CAP1: variants seen among roughly 807,000 people sequenced by gnomAD.
CAP1 encodes the protein adenylyl cyclase-associated protein 1.
In CAP1, 11 loss-of-function variants were observed where a neutral mutation model predicts 58.2. The ratio of observed to expected loss-of-function variants is 0.19; its 90% CI spans 0.12 to 0.31. CAP1 has a LOEUF of 0.31. Among genes scored for constraint, CAP1 ranks in the 10% least tolerant of loss-of-function variants. The pLI is 1.00. For synonymous variants in CAP1, 183 were observed against 213.8 expected (o/e 0.86, Z 1.26); for missense variants, 423 against 587.5 (o/e 0.72, Z 2.89).
rs748172242 is a variant in CAP1, at chr1:40,064,186, G to A, written c.295-41G>A. On this transcript the variant is annotated intron_variant, in intron 4 of 12. Coordinates refer to ENST00000372805, the MANE Select transcript of CAP1 (RefSeq NM_006367.4). Reference sequence around the variant, plus strand: ...ATCAGAAGGCATAGACACCTTTGTGGAAAGATGTTAACCTGAATCTTTTCT... The same window carrying A: ...ATCAGAAGGCATAGACACCTTTGTGAAAAGATGTTAACCTGAATCTTTTCT... 29 of 1,605,094 alleles carry A rather than the reference G, an allele frequency of 1.8e-5. No homozygotes were observed. The Middle Eastern group carries it at 5.0e-4, about 27-fold the overall frequency.
intron 1 of CAP1, among the ~76,000 whole-genome samples, chr1:40,056,804 A>C (rs935416611): frequency 6.6e-6 from 1 of 152,158 alleles, no homozygotes; most frequent in Non-Finnish European, 1.5e-5. Flanking sequence ...TGTGTCTTTC[A>C]CACAACTGAA....
At chr1:40,068,223 T>A (rs3131666) in intron 8 of CAP1, among the ~76,000 whole-genome samples, 105,680 of 152,146 alleles carry the variant, frequency 0.69, 36,971 homozygotes, top group Non-Finnish European at 0.74. Flanking sequence ...TAAATCCAAC[T>A]GTAAGAGAAA....
chr1:40,052,466 G>C (rs1646419713), intron 1 of CAP1, among the ~76,000 whole-genome samples: 1 of 152,250 alleles, frequency 6.6e-6, no homozygotes, highest in Non-Finnish European at 1.5e-5. Flanking sequence ...TATAGTTCTT[G>C]GTTATTGACA....
At chr1:40,044,000 A>G (rs1319099326) in intron 1 of CAP1, among the ~76,000 whole-genome samples, 1 of 152,236 alleles carries the variant, frequency 6.6e-6, no homozygotes, top group East Asian at 1.9e-4. Context: ...ACTTTGTAGA[A>G]TACAGCCTGA....
At chr1:40,057,588 G>A (rs1415285598) in intron 1 of CAP1, 1 of 152,076 alleles carries the variant, frequency 6.6e-6, no homozygotes, top group Non-Finnish European at 1.5e-5. Context: ...ACCAGAGCCT[G>A]TACACAGAGA....
At chr1:40,063,102 T>C (rs1646926969) in intron 4 of CAP1, among the ~76,000 whole-genome samples, 1 of 152,034 alleles carries the variant, frequency 6.6e-6, no homozygotes. Flanking sequence ...GGTGTAATGA[T>C]CCTCCCACCT....
rs1358349190 is a variant in CAP1, at chr1:40,067,708, A to C, written c.799A>C (p.Ile267Leu). Residue 267 changes from isoleucine to leucine, a missense_variant, in exon 8 of 13, where the codon ATT becomes CTT. Physicochemically the swap from Ile to Leu is conservative, Grantham distance 5. Transcript: ENST00000372805. ...CGCGCAGATTAATCAGGGGGAGAGC[A>C]TTACACATGGTGAGTGAGCACTTGG... ...LFAQINQGES[I>L]THALKHVSDD... is the part of the protein sequence containing the mutation. 2 of 1,599,042 alleles carry C rather than the reference A, an allele frequency of 1.3e-6. No individual in the cohort carries two copies. The highest frequency in any genetic ancestry group is 3.5e-5 in the Admixed American group (2 of 57,492).
intron 9 of CAP1, 133 bp from the exon 10 acceptor site, chr1:40,070,026 G>T: frequency 6.9e-7 from 1 of 1,447,470 alleles, no homozygotes; most frequent in Non-Finnish European, 9.4e-7. Flanking sequence ...AGGAACAGGA[G>T]GTTAAATGGA....
Position 40,071,610 on chromosome 1 carries a change from T to G in CAP1, c.*77T>G, listed in dbSNP as rs942425722. ...GTATCAAGACGGTTCTTTTCTAGAT[T>G]TCCTCTACCTTTTTGCTCTTAAAAC... On this transcript the variant is annotated 3_prime_UTR_variant, in exon 13 of 13. Transcript: ENST00000372805. The G allele has an allele frequency of 1.2e-5, 11 of 941,146 alleles. No homozygotes were observed. Among genetic ancestry groups the G allele is most frequent in the Non-Finnish European group, 1.7e-5 (10 of 594,690 alleles). The allele number at this position is 941,146 out of a possible 1,614,324, so 58.3% of individuals were successfully genotyped here.
At chr1:40,052,841 A>G (rs987294308) in intron 1 of CAP1, among the ~76,000 whole-genome samples, 1 of 151,732 alleles carries the variant, frequency 6.6e-6, no homozygotes, top group African/African-American at 2.4e-5. Flanking sequence ...CTGTAATCCC[A>G]GCACTTTGGG....
At chr1:40,044,346 G>A (rs1645983110) in intron 1 of CAP1, among the ~76,000 whole-genome samples, 1 of 152,102 alleles carries the variant, frequency 6.6e-6, no homozygotes, top group African/African-American at 2.4e-5. Flanking sequence ...CCTCTGGTTT[G>A]AAATTTAATG....
intron 1 of CAP1, among the ~76,000 whole-genome samples, chr1:40,054,495 A>G (rs1646527294): frequency 6.6e-6 from 1 of 152,108 alleles, no homozygotes; most frequent in Non-Finnish European, 1.5e-5. Flanking sequence ...TCCTATGTTT[A>G]TAGTAGTGGA....
At position 40,055,663 on chromosome 1, in the gene CAP1, T is replaced by C. The variant is rs114130677; in HGVS notation, c.-10-3674T>C. The stretch of plus-strand genomic sequence containing the variant: ...CTGGGACCACAGCTGTACACCACCA[T>C]GCTTGGAAAAATTTTAAATTATTTT... On this transcript the variant is annotated intron_variant, in intron 1 of 12. Coordinates refer to ENST00000372805, the MANE Select transcript of CAP1 (RefSeq NM_006367.4). 2.3e-3 allele frequency among the ~76,000 whole-genome samples: 356 copies of C among 152,202 alleles called. 1 individual carries two copies. The highest frequency in any genetic ancestry group is 8.3e-3 in the African/African-American group (343 of 41,524).
At chr1:40,056,978 A>G (rs916970029) in intron 1 of CAP1, among the ~76,000 whole-genome samples, 1 of 152,044 alleles carries the variant, frequency 6.6e-6, no homozygotes, top group African/African-American at 2.4e-5. Context: ...TGGTAGCTGT[A>G]TTGTCCTTTT....
chr1:40,062,067 T>C (rs1157654721), intron 4 of CAP1, among the ~76,000 whole-genome samples: 2 of 152,198 alleles, frequency 1.3e-5, no homozygotes, highest in Non-Finnish European at 2.9e-5. Flanking sequence ...TTTGCTTGCC[T>C]GCCTCTTTGC....
At chr1:40,064,189 A>G (rs188169822) in intron 4 of CAP1, 38 bp from the exon 5 acceptor site, 347 of 1,608,530 alleles carry the variant, frequency 2.2e-4, no homozygotes, top group Non-Finnish European at 2.8e-4. Context: ...CTTTGTGGAA[A>G]GATGTTAACC....
intron 1 of CAP1, among the ~76,000 whole-genome samples, chr1:40,054,773 C>T (rs549980775): frequency 2.0e-5 from 3 of 152,280 alleles, no homozygotes; most frequent in African/African-American, 7.2e-5. Flanking sequence ...ACTGTAGTAG[C>T]TGAGATCATA....
intron 1 of CAP1, among the ~76,000 whole-genome samples, chr1:40,042,076 C>T (rs1645860915): frequency 6.6e-6 from 1 of 152,062 alleles, no homozygotes; most frequent in Non-Finnish European, 1.5e-5. Flanking sequence ...GGGGTTTCGC[C>T]GTGAAGGCCA....
rs778456502 is a variant in CAP1 at position 40,061,725 on chromosome 1, T to C, written c.217-10T>C. The C allele has an allele frequency of 1.2e-6, 2 of 1,613,018 alleles. No homozygotes were observed. The highest frequency in any genetic ancestry group is 1.7e-6 in the Non-Finnish European group (2 of 1,178,964). On this transcript the variant is annotated splice_polypyrimidine_tract_variant and intron_variant, in intron 3 of 12. Coordinates refer to ENST00000372805, the MANE Select transcript of CAP1 (RefSeq NM_006367.4). ...ATGTGTCATCAATAGCTGATTCTTC[T>C]TTCTGGCAGGCGGAGATGGTCCACA...
Sources: allele counts gnomAD v4.1 joint callset (sites outside exome capture counted in the v4.1 genomes callset), GRCh38; gene constraint gnomAD v4.1.1; transcripts MANE v1.5; gene names NCBI Gene and HGNC (gene_info 2026-07-23, HGNC 2026-07-21).